PPP3CA: variants seen among roughly 807,000 people sequenced by gnomAD.
The protein encoded by PPP3CA is CAM-PRP catalytic subunit.
In PPP3CA, 14 loss-of-function variants were observed where a neutral mutation model predicts 66.5. The ratio of observed to expected loss-of-function variants is 0.21; its 90% CI spans 0.14 to 0.33. The LOEUF (loss-of-function observed/expected upper bound fraction) is 0.33, where lower values mean the gene tolerates loss of function less well. PPP3CA is among the 10% of genes least tolerant of loss of function. The pLI is 1.00. For synonymous variants in PPP3CA, 232 were observed against 226.2 expected, an observed-to-expected ratio of 1.03 and a Z score of -0.23; for missense variants, 317 against 639.5, an observed-to-expected ratio of 0.50 and a Z score of 5.44.
At chr4:101,293,061 C>T (rs1030426461) in intron 1 of PPP3CA, among the ~76,000 whole-genome samples, 9 of 152,114 alleles carry the variant, frequency 5.9e-5, no homozygotes, top group East Asian at 1.9e-4. Context: ...CTTAGTGTTA[C>T]GGTCAGAGAA....
chr4:101,166,013 C>G (rs1156392254), intron 2 of PPP3CA, among the ~76,000 whole-genome samples: 1 of 152,112 alleles, frequency 6.6e-6, no homozygotes, highest in African/African-American at 2.4e-5. Context: ...AGAATACATA[C>G]AACCAGATAA....
chr4:101,151,057 T>C (rs990340922), intron 2 of PPP3CA, among the ~76,000 whole-genome samples: 3 of 152,240 alleles, frequency 2.0e-5, no homozygotes, highest in African/African-American at 7.2e-5. Flanking sequence ...AAGAAGACTT[T>C]AGAATCATAT....
At chr4:101,050,776 C>T (rs1477547505) in intron 10 of PPP3CA, among the ~76,000 whole-genome samples, 1 of 152,148 alleles carries the variant, frequency 6.6e-6, no homozygotes, top group Admixed American at 6.5e-5. Flanking sequence ...AGTCAGGGTG[C>T]TACCTGCTAA....
intron 1 of PPP3CA, among the ~76,000 whole-genome samples, chr4:101,212,145 G>C (rs925171104): frequency 3.3e-5 from 5 of 151,944 alleles, no homozygotes; most frequent in Non-Finnish European, 5.9e-5. Flanking sequence ...TCTTTTATTC[G>C]ACATGCCTGC....
intron 2 of PPP3CA, among the ~76,000 whole-genome samples, chr4:101,159,423 T>C (rs1723429667): frequency 6.6e-6 from 1 of 152,104 alleles, no homozygotes; most frequent in African/African-American, 2.4e-5. Context: ...CAGCCTCTGA[T>C]TTAATCTGGG....
rs1727403853 is a variant in PPP3CA at position 101,273,699 on chromosome 4, C to G, written c.58+73040G>C. 2.0e-5 allele frequency among the ~76,000 whole-genome samples: 3 copies of G among 152,080 alleles called. No homozygotes were observed. The South Asian group carries it at 6.2e-4, about 31-fold the overall frequency. On this transcript the variant is annotated intron_variant, in intron 1 of 13. Coordinates refer to ENST00000394854, the MANE Select transcript of PPP3CA (RefSeq NM_000944.5). ...CCCAAGCATGAGTAGTTTTATCTCT[C>G]CACTTTTCAAAAATAAGCTTCAATA... is the stretch of plus-strand genomic sequence containing the variant.
chr4:101,158,534 C>T (rs1026569025), intron 2 of PPP3CA, among the ~76,000 whole-genome samples: 6 of 152,222 alleles, frequency 3.9e-5, no homozygotes, highest in South Asian at 2.1e-4. Context: ...GGACTTTGGG[C>T]CTCGGTATCA....
intron 1 of PPP3CA, among the ~76,000 whole-genome samples, chr4:101,202,660 T>C (rs1444588893): frequency 6.6e-6 from 1 of 152,224 alleles, no homozygotes; most frequent in African/African-American, 2.4e-5. Context: ...TCTTTCACTT[T>C]TATTATAGAT....
At chr4:101,044,316 G>A in intron 10 of PPP3CA, among the ~76,000 whole-genome samples, 1 of 152,048 alleles carries the variant, frequency 6.6e-6, no homozygotes, top group East Asian at 1.9e-4. Flanking sequence ...GAAAGATCAA[G>A]AATAAGTACA....
At chr4:101,152,321 T>C (rs1168592841) in intron 2 of PPP3CA, among the ~76,000 whole-genome samples, 1 of 152,152 alleles carries the variant, frequency 6.6e-6, no homozygotes, top group African/African-American at 2.4e-5. Flanking sequence ...TGATAAGAAA[T>C]AGGTAAGAGT....
At chr4:101,134,173 G>A (rs1387689051) in intron 2 of PPP3CA, among the ~76,000 whole-genome samples, 2 of 152,102 alleles carry the variant, frequency 1.3e-5, no homozygotes, top group Admixed American at 1.3e-4. Flanking sequence ...TACCATTCAG[G>A]ACGTCGGCAA....
intron 13 of PPP3CA, among the ~76,000 whole-genome samples, chr4:101,028,461 C>T (rs1433109078): frequency 6.6e-6 from 1 of 152,170 alleles, no homozygotes; most frequent in African/African-American, 2.4e-5. Flanking sequence ...AGTACAGTGC[C>T]TGGCACAAAG....
At chr4:101,199,099 A>G (rs1724890889) in intron 1 of PPP3CA, among the ~76,000 whole-genome samples, 1 of 152,190 alleles carries the variant, frequency 6.6e-6, no homozygotes, top group Non-Finnish European at 1.5e-5. Flanking sequence ...GACTGGGCTA[A>G]TATTTGTGTA....
chr4:101,329,788 C>T (rs912199963), intron 1 of PPP3CA, among the ~76,000 whole-genome samples: 1 of 152,044 alleles, frequency 6.6e-6, no homozygotes, highest in South Asian at 2.1e-4. Flanking sequence ...GATAACAGCA[C>T]ATCTGTTTAC....
chr4:101,037,534 T>C (rs1310928323), intron 11 of PPP3CA, among the ~76,000 whole-genome samples: 1 of 152,178 alleles, frequency 6.6e-6, no homozygotes, highest in Non-Finnish European at 1.5e-5. Context: ...TCTCTCCCCA[T>C]AGCCTGGTCC....
chr4:101,086,502 G>C (rs970933635), intron 6 of PPP3CA, among the ~76,000 whole-genome samples: 3 of 151,976 alleles, frequency 2.0e-5, no homozygotes, highest in Non-Finnish European at 4.4e-5. Flanking sequence ...CCAGATGTAA[G>C]ACTCTTTAGC....
chr4:101,313,899 C>A, intron 1 of PPP3CA, among the ~76,000 whole-genome samples: 1 of 152,126 alleles, frequency 6.6e-6, no homozygotes, highest in Admixed American at 6.5e-5. Flanking sequence ...TTAACCCCAG[C>A]TGATTAGTGA....
intron 3 of PPP3CA, among the ~76,000 whole-genome samples, chr4:101,102,229 A>C (rs1169891951): frequency 1.4e-5 from 2 of 147,088 alleles, no homozygotes; most frequent in African/African-American, 4.9e-5. Flanking sequence ...GAAGGAAAGA[A>C]AGGAGGGAGG....
chr4:101,346,722 C>A lies in PPP3CA; in HGVS notation c.58+17G>T. The A allele has an allele frequency of 3.1e-6, 5 of 1,608,064 alleles. No homozygotes were observed. The highest frequency in any genetic ancestry group is 4.2e-6 in the Non-Finnish European group (5 of 1,177,664). On this transcript the variant is annotated intron_variant, in intron 1 of 13. Transcript: ENST00000394854. ...GCGGCACACGGTGCACCCAGGCCAC[C>A]GCGGCGCTCCGCTTACCTTTCACCA...
Sources: allele counts gnomAD v4.1 joint callset (sites outside exome capture counted in the v4.1 genomes callset), GRCh38; gene constraint gnomAD v4.1.1; transcripts MANE v1.5; gene names NCBI Gene and HGNC (gene_info 2026-07-23, HGNC 2026-07-21).